The following TTYH3 variants were observed in gnomAD, a reference collection of about 807,000 sequenced individuals.
The protein encoded by TTYH3 is protein tweety homolog 3.
In TTYH3, 23 loss-of-function variants were observed where a neutral mutation model predicts 68.2. The ratio of observed to expected loss-of-function variants is 0.34; its 90% CI spans 0.24 to 0.48. TTYH3 has a LOEUF of 0.48. Among genes scored for constraint, TTYH3 ranks in the 20% least tolerant of loss-of-function variants. TTYH3 has a pLI of 0.99. For missense variants in TTYH3, 768 were observed against 727.7 expected, an observed-to-expected ratio of 1.06 and a Z score of -0.64; for synonymous variants, 360 against 332.8, an observed-to-expected ratio of 1.08 and a Z score of -0.89.
At chr7:2,654,767 T>G (rs1046451003) in intron 9 of TTYH3, among the ~76,000 whole-genome samples, 4 of 152,182 alleles carry the variant, frequency 2.6e-5, no homozygotes, top group African/African-American at 9.7e-5. Context: ...TGTCTTGATC[T>G]CCTCTTCTTT....
intron 1 of TTYH3, among the ~76,000 whole-genome samples, chr7:2,640,006 A>AG (rs11423532): frequency 1 from 152,293 of 152,296 alleles, 76,145 homozygotes; most frequent in Non-Finnish European, 1. Flanking sequence ...CTGGCCTGCC[A>AG]GCTCACCCGC....
At chr7:2,640,199 G>A (rs1345654352) in intron 1 of TTYH3, among the ~76,000 whole-genome samples, 2 of 152,226 alleles carry the variant, frequency 1.3e-5, no homozygotes, top group Admixed American at 6.5e-5. Context: ...CCTGTGGCTG[G>A]GGCTGGAGGC....
At chr7:2,649,810 C>T (rs1184232868) in intron 6 of TTYH3, 103 bp from the exon 7 acceptor site, 31 of 1,466,460 alleles carry the variant, frequency 2.1e-5, no homozygotes, top group Non-Finnish European at 2.6e-5. Flanking sequence ...ACAGTCCACC[C>T]TCCTGAGTTG....
intron 5 of TTYH3, among the ~76,000 whole-genome samples, chr7:2,649,204 G>A (rs1786090645): frequency 6.6e-6 from 1 of 152,134 alleles, no homozygotes; most frequent in Non-Finnish European, 1.5e-5. Flanking sequence ...TCTAGCTGAC[G>A]TTATCAGGCC....
intron 1 of TTYH3, among the ~76,000 whole-genome samples, chr7:2,640,476 C>T (rs576492880): frequency 3.2e-4 from 48 of 152,302 alleles, no homozygotes; most frequent in Admixed American, 2.2e-3. Context: ...CTTCCTCACA[C>T]GCTGCCAGGC....
chr7:2,633,449 C>T (rs954944345), intron 1 of TTYH3, among the ~76,000 whole-genome samples: 6 of 152,138 alleles, frequency 3.9e-5, no homozygotes, highest in East Asian at 3.9e-4. Context: ...GCCCCCCAGC[C>T]GAGCCGATGA....
chr7:2,647,321 C>T (rs1020216838), intron 3 of TTYH3, 68 bp downstream of exon 3: 14 of 1,517,546 alleles, frequency 9.2e-6, no homozygotes, highest in African/African-American at 5.5e-5. Flanking sequence ...TGCGCGAGGA[C>T]GGGCGGGGCA....
At chr7:2,638,914 T>C (rs890590106) in intron 1 of TTYH3, among the ~76,000 whole-genome samples, 92 of 151,724 alleles carry the variant, frequency 6.1e-4, no homozygotes, top group Admixed American at 6.0e-3. Context: ...GGCGGGCCCC[T>C]GACATGGGGG....
chr7:2,652,641 G>A (rs1009730782), intron 8 of TTYH3, among the ~76,000 whole-genome samples: 4 of 152,186 alleles, frequency 2.6e-5, no homozygotes, highest in African/African-American at 7.2e-5. Context: ...TCATTGTACC[G>A]GTAGCATGTG....
intron 9 of TTYH3, among the ~76,000 whole-genome samples, chr7:2,655,261 T>A (rs143619027): frequency 6.6e-6 from 1 of 152,192 alleles, no homozygotes; most frequent in African/African-American, 2.4e-5. Flanking sequence ...TTCTTCTGCC[T>A]CAGCCTCCTG....
chr7:2,648,943 C>T (rs1326234996), intron 5 of TTYH3, among the ~76,000 whole-genome samples: 4 of 139,672 alleles, frequency 2.9e-5, no homozygotes, highest in South Asian at 2.3e-4. Flanking sequence ...GTGTGGGGCC[C>T]GCAGTGGGGT....
rs1244966676 is a variant in TTYH3, at chr7:2,661,988, G to A, written c.*249G>A. 1.7e-6 allele frequency: 1 copy of A among 595,806 alleles called. No individual in the cohort carries two copies. Among genetic ancestry groups the A allele is most frequent in the Non-Finnish European group, 3.0e-6 (1 of 334,232 alleles). 36.9% of individuals were successfully genotyped at this position (595,806 alleles called of 1,614,324 possible). ...GCCAGCCGATGCCCCAGCCCTGCAC[G>A]CCACCCACTATCCCGGCACGCTCCC... On this transcript the variant is annotated 3_prime_UTR_variant, in exon 14 of 14. Transcript: ENST00000258796.
Position 2,661,928 on chromosome 7 carries a change from C to T in TTYH3, c.*189C>T, listed in dbSNP as rs1018310481. The T allele has an allele frequency of 2.0e-5, 13 of 654,104 alleles. No homozygotes were observed. Among genetic ancestry groups the T allele is most frequent in the East Asian group, 2.7e-5 (1 of 36,670 alleles). The allele number at this position is 654,104 out of a possible 1,614,324, so 40.5% of individuals were successfully genotyped here. Reference sequence around the variant, plus strand: ...AGTGGAGACGCAGGGGCTCTGGGCCCGTACCGCCAACTCGGGTCACACCTG... The same window carrying T: ...AGTGGAGACGCAGGGGCTCTGGGCCTGTACCGCCAACTCGGGTCACACCTG... On this transcript the variant is annotated 3_prime_UTR_variant, in exon 14 of 14. Transcript: ENST00000258796.
At position 2,632,032 on chromosome 7, in the gene TTYH3, C is replaced by T. The variant is rs1785532541; in HGVS notation, c.-124C>T. 4 of 879,234 alleles carry T rather than the reference C, an allele frequency of 4.5e-6. No homozygotes were observed. Among genetic ancestry groups the T allele is most frequent in the Non-Finnish European group, 5.7e-6 (4 of 698,522 alleles). The allele number at this position is 879,234 out of a possible 1,614,324, so 54.5% of individuals were successfully genotyped here. Reference sequence around the variant, plus strand: ...CCGGGCCGAGCCGGGCCGGGCCGGGCCCAGGAGCGCGCGGATGATGCGGGC... The same window carrying T: ...CCGGGCCGAGCCGGGCCGGGCCGGGTCCAGGAGCGCGCGGATGATGCGGGC... On this transcript the variant is annotated 5_prime_UTR_variant, in exon 1 of 14. Transcript: ENST00000258796.
chr7:2,638,277 C>T (rs770642503), intron 1 of TTYH3, among the ~76,000 whole-genome samples: 2 of 151,978 alleles, frequency 1.3e-5, no homozygotes, highest in African/African-American at 2.4e-5. Flanking sequence ...CCGGGTGTCA[C>T]GCTGGGAGAT....
chr7:2,660,597 T>A, intron 13 of TTYH3: 1 of 950,866 alleles, frequency 1.1e-6, no homozygotes, highest in Non-Finnish European at 1.2e-6. Flanking sequence ...TTGTGCTGCA[T>A]GTCAGTGGAA....
At chr7:2,660,383 C>T in intron 13 of TTYH3, 2 of 985,434 alleles carry the variant, frequency 2.0e-6, no homozygotes, top group Non-Finnish European at 1.2e-6. Context: ...GCCCGGGCCC[C>T]TGGGCATGTG....
chr7:2,652,454 G>T (rs1037278169), intron 8 of TTYH3, among the ~76,000 whole-genome samples: 1 of 152,210 alleles, frequency 6.6e-6, no homozygotes, highest in Non-Finnish European at 1.5e-5. Context: ...GCCTTTCGGG[G>T]GGACCTGCTC....
At chr7:2,640,433 C>T (rs1583557930) in intron 1 of TTYH3, among the ~76,000 whole-genome samples, 1 of 152,164 alleles carries the variant, frequency 6.6e-6, no homozygotes, top group South Asian at 2.1e-4. Flanking sequence ...ATAGGCCGGC[C>T]GTGACTTGCT....
Sources: allele counts gnomAD v4.1 joint callset (sites outside exome capture counted in the v4.1 genomes callset), GRCh38; gene constraint gnomAD v4.1.1; transcripts MANE v1.5; gene names NCBI Gene and HGNC (gene_info 2026-07-23, HGNC 2026-07-21).